Variants in GALNT13 observed in about 807,000 individuals in gnomAD.
The protein encoded by GALNT13 is polypeptide N-acetylgalactosaminyltransferase 13, also known as UDP-GalNAc:polypeptide N-acetylgalactosaminyltransferase 13.
GALNT13 carries 28 observed loss-of-function variants against 64.2 expected under a neutral mutation model. That is an observed-to-expected ratio of 0.44 (90% confidence interval 0.32 to 0.60). The LOEUF (loss-of-function observed/expected upper bound fraction) is 0.60. GALNT13 is among the 20% of genes least tolerant of loss of function. The probability of loss-of-function intolerance (pLI) is 0.05; values close to 1 mark genes in which losing one functional copy is unlikely to be tolerated. For synonymous variants in GALNT13, 214 were observed against 224.6 expected, an observed-to-expected ratio of 0.95 and a Z score of 0.42; for missense variants, 577 against 669.8, an observed-to-expected ratio of 0.86 and a Z score of 1.53.
the GALNT13 span, among the ~76,000 whole-genome samples, chr2:153,261,040 C>T: frequency 1.3e-5 from 2 of 152,012 alleles, no homozygotes; most frequent in African/African-American, 4.8e-5. Context: ...AGAATTTCTG[C>T]TTCATTCTTT....
chr2:153,647,396 T>G, the GALNT13 span, among the ~76,000 whole-genome samples: 2 of 152,290 alleles, frequency 1.3e-5, no homozygotes, highest in African/African-American at 2.4e-5. Context: ...TTGCAAAAAT[T>G]TTCTCCCATT....
intron 2 of GALNT13, among the ~76,000 whole-genome samples, chr2:153,922,685 C>T (rs1427544211): frequency 1.3e-5 from 2 of 152,042 alleles, no homozygotes; most frequent in African/African-American, 2.4e-5. Context: ...TCCACCTTCC[C>T]CCAGTCCACT....
At chr2:154,330,551 A>G (rs1451107746) in intron 9 of GALNT13, among the ~76,000 whole-genome samples, 1 of 152,114 alleles carries the variant, frequency 6.6e-6, no homozygotes. Flanking sequence ...TGTGTGGTTA[A>G]CTAAGAGAAG....
the GALNT13 span, among the ~76,000 whole-genome samples, chr2:153,348,453 G>T: frequency 6.6e-6 from 1 of 152,252 alleles, no homozygotes; most frequent in African/African-American, 2.4e-5. Flanking sequence ...GTTGTGCCCA[G>T]AAATTAATTT....
chr2:153,165,303 C>G, the GALNT13 span, among the ~76,000 whole-genome samples: 2 of 152,316 alleles, frequency 1.3e-5, no homozygotes, highest in East Asian at 3.9e-4. Context: ...CTGACAGGCA[C>G]TTGATTAGTA....
At chr2:153,646,616 C>G in the GALNT13 span, among the ~76,000 whole-genome samples, 1 of 152,080 alleles carries the variant, frequency 6.6e-6, no homozygotes, top group Non-Finnish European at 1.5e-5. Context: ...TCCCCCCTCC[C>G]CCTACTCCAC....
intron 8 of GALNT13, among the ~76,000 whole-genome samples, chr2:154,267,513 G>A (rs1025347446): frequency 1.3e-5 from 2 of 152,072 alleles, no homozygotes; most frequent in Admixed American, 1.3e-4. Flanking sequence ...GGTCGTGGGC[G>A]CCTGTAATCC....
chr2:153,184,574 C>T, the GALNT13 span, among the ~76,000 whole-genome samples: 1 of 152,092 alleles, frequency 6.6e-6, no homozygotes, highest in Admixed American at 6.6e-5. Flanking sequence ...TCAGCTTTTG[C>T]CCATTCAGTA....
Position 153,982,563 on chromosome 2 carries a change from G to A in GALNT13, c.142+37924G>A, listed in dbSNP as rs796851741. 9.2e-5 allele frequency among the ~76,000 whole-genome samples: 14 copies of A among 152,120 alleles called. 1 individual carries two copies. The highest frequency in any genetic ancestry group is 3.4e-4 in the African/African-American group (14 of 41,548). On this transcript the variant is annotated intron_variant, in intron 3 of 12. Coordinates refer to ENST00000392825, the MANE Select transcript of GALNT13 (RefSeq NM_052917.4). ...ACAGAGACAGATTAGTTTCTGCATA[G>A]CATCTGTCAGTGTAGATAGCTCTCA...
At chr2:153,535,467 A>G in the GALNT13 span, among the ~76,000 whole-genome samples, 1 of 152,212 alleles carries the variant, frequency 6.6e-6, no homozygotes, top group East Asian at 1.9e-4. Context: ...GGCATGTATG[A>G]GTAGTTGAGA....
At chr2:153,854,340 G>A in the GALNT13 span, among the ~76,000 whole-genome samples, 1 of 151,988 alleles carries the variant, frequency 6.6e-6, no homozygotes, top group Non-Finnish European at 1.5e-5. Context: ...AGCACTTTGG[G>A]AGGCTGAGGT....
the GALNT13 span, among the ~76,000 whole-genome samples, chr2:153,068,638 A>T: frequency 2.6e-5 from 4 of 152,090 alleles, no homozygotes; most frequent in South Asian, 2.1e-4. Flanking sequence ...AATTATATAT[A>T]TTTTTTATGG....
chr2:153,867,880 G>C (rs777095548), upstream of GALNT13, among the ~76,000 whole-genome samples: 24 of 152,112 alleles, frequency 1.6e-4, no homozygotes, highest in Non-Finnish European at 2.5e-4. Flanking sequence ...GCAGTAATGT[G>C]AGCAATGAGG....
the GALNT13 span, among the ~76,000 whole-genome samples, chr2:153,756,321 C>T: frequency 6.6e-6 from 1 of 152,000 alleles, no homozygotes; most frequent in South Asian, 2.1e-4. Flanking sequence ...ACAAAGAAAA[C>T]ATATTTATAA....
At chr2:153,380,842 A>T in the GALNT13 span, among the ~76,000 whole-genome samples, 1 of 152,154 alleles carries the variant, frequency 6.6e-6, no homozygotes, top group Non-Finnish European at 1.5e-5. Flanking sequence ...AATTTATGTC[A>T]GGCTTAATCC....
At chr2:153,733,378 A>G in the GALNT13 span, among the ~76,000 whole-genome samples, 1 of 152,060 alleles carries the variant, frequency 6.6e-6, no homozygotes, top group African/African-American at 2.4e-5. Flanking sequence ...CAGGGTCTGT[A>G]TTTGTTTATT....
the GALNT13 span, among the ~76,000 whole-genome samples, chr2:153,666,907 G>A: frequency 3.3e-5 from 5 of 151,978 alleles, no homozygotes; most frequent in Non-Finnish European, 7.4e-5. Context: ...TCAACACAAG[G>A]AATCTAAGGA....
At chr2:153,334,865 C>A in the GALNT13 span, among the ~76,000 whole-genome samples, 1 of 152,142 alleles carries the variant, frequency 6.6e-6, no homozygotes, top group Admixed American at 6.5e-5. Flanking sequence ...CTGAGCATGA[C>A]AAGTGATATG....
chr2:153,455,830 A>G, the GALNT13 span, among the ~76,000 whole-genome samples: 1 of 152,124 alleles, frequency 6.6e-6, no homozygotes, highest in Admixed American at 6.5e-5. Context: ...GCTCTTGCCT[A>G]GTGTCCAAAA....
Sources: allele counts gnomAD v4.1 joint callset (sites outside exome capture counted in the v4.1 genomes callset), GRCh38; gene constraint gnomAD v4.1.1; transcripts MANE v1.5; gene names NCBI Gene and HGNC (gene_info 2026-07-23, HGNC 2026-07-21).